SETDB2: variants seen among roughly 807,000 people sequenced by gnomAD.
SETDB2 encodes histone-lysine N-methyltransferase SETDB2.
SETDB2 carries 56 observed loss-of-function variants against 82.5 expected under a neutral mutation model. The observed-to-expected ratio is 0.68, with a 90% CI of 0.55 to 0.85. The LOEUF is 0.85. Ranked by LOEUF, SETDB2 falls within the 40% of genes least tolerant of loss-of-function variation. The pLI, the probability that SETDB2 is intolerant of heterozygous loss-of-function variation, is 0.00. For synonymous variants in SETDB2, 272 were observed against 284.9 expected, an observed-to-expected ratio of 0.95 and a Z score of 0.46; for missense variants, 677 against 816.4, an observed-to-expected ratio of 0.83 and a Z score of 2.08.
At chr13:49,445,595 T>C (rs1957656387) in intron 1 of SETDB2, 1 of 152,194 alleles carries the variant, frequency 6.6e-6, no homozygotes, top group African/African-American at 2.4e-5. Flanking sequence ...CGTTCAGTTT[T>C]CAAATTTTCA....
At chr13:49,486,420 G>A (rs1007728490) in intron 11 of SETDB2, among the ~76,000 whole-genome samples, 3 of 152,188 alleles carry the variant, frequency 2.0e-5, no homozygotes, top group Admixed American at 6.5e-5. Flanking sequence ...CACATGGCCA[G>A]CAAAGCCTGA....
intron 4 of SETDB2, among the ~76,000 whole-genome samples, chr13:49,467,538 T>A (rs984213735): frequency 3.9e-5 from 6 of 152,172 alleles, no homozygotes; most frequent in African/African-American, 1.4e-4. Context: ...CCTTTAAGAA[T>A]TATGTGATTT....
chr13:49,470,752 G>T (rs1958212168), intron 5 of SETDB2, among the ~76,000 whole-genome samples: 1 of 152,148 alleles, frequency 6.6e-6, no homozygotes, highest in South Asian at 2.1e-4. Context: ...GGGAGGCTGA[G>T]GTGTATCACC....
Position 49,480,937 on chromosome 13 carries a change from T to G in SETDB2, c.987-10T>G. ...TGTCTGATTTTCTCTTTTGCATATTTTGTTGACAGCATTTATGAATGCAGC... is the reference window on the plus strand; with the variant it reads ...TGTCTGATTTTCTCTTTTGCATATTGTGTTGACAGCATTTATGAATGCAGC... On this transcript the variant is annotated splice_polypyrimidine_tract_variant and intron_variant, in intron 7 of 13. Coordinates refer to ENST00000611815, the MANE Select transcript of SETDB2 (RefSeq NM_001160308.3). 6.2e-7 allele frequency: 1 copy of G among 1,613,718 alleles called. No individual in the cohort carries two copies. The highest frequency in any genetic ancestry group is 1.1e-5 in the South Asian group (1 of 91,044).
intron 10 of SETDB2, 51 bp downstream of exon 10, chr13:49,483,614 T>A: frequency 1.7e-5 from 1 of 58,876 alleles, no homozygotes; most frequent in South Asian, 1.1e-4. Context: ...TTTAAATTTT[T>A]TTTTTTTTTT....
intron 2 of SETDB2, among the ~76,000 whole-genome samples, chr13:49,453,878 A>ATT (rs1311906466): frequency 1.3e-5 from 2 of 151,792 alleles, no homozygotes; most frequent in Non-Finnish European, 2.9e-5. Flanking sequence ...AAGTATATAT[A>ATT]TATATACTAA....
Position 49,485,673 on chromosome 13 carries a change from G to A in SETDB2, c.1526G>A (p.Gly509Glu). Residue 509 changes from glycine (G) to glutamate (E), a missense_variant, in exon 11 of 14, where the codon GGA becomes GAA. This residue lies in a region of SETDB2 where 420 missense variants were observed against 554.6 expected (regional missense o/e 0.76). Transcript: ENST00000611815. ...TCTGTCACTCCAGAAGATAATGATGGATTTAAACCACCCCGAGAGCATCTG... is the reference window on the plus strand; with the variant it reads ...TCTGTCACTCCAGAAGATAATGATGAATTTAAACCACCCCGAGAGCATCTG... Reference protein sequence around the residue: ...SESVTPEDNDGFKPPREHLNS... With the variant: ...SESVTPEDNDEFKPPREHLNS... 1 of 1,613,910 alleles carries A rather than the reference G, an allele frequency of 6.2e-7. No homozygotes were observed. Among genetic ancestry groups the A allele is most frequent in the Non-Finnish European group, 8.5e-7 (1 of 1,179,960 alleles).
At chr13:49,472,468 G>T (rs1413040602) in intron 5 of SETDB2, among the ~76,000 whole-genome samples, 2 of 152,214 alleles carry the variant, frequency 1.3e-5, no homozygotes, top group African/African-American at 4.8e-5. Flanking sequence ...GGTCCAGACA[G>T]CCGTGGACTT....
At chr13:49,483,608 AATTTTTTTTTTTTT>A in intron 10 of SETDB2, 45 bp downstream of exon 10, 1 of 490,636 alleles carries the variant, frequency 2.0e-6, no homozygotes, top group South Asian at 2.6e-5. Context: ...TTCTTTTTTA[AATTTTTTTTTTTTT>A]TTTTTTTTTT....
At chr13:49,489,596 C>CTTTTTTTTTTTTTTT (rs58715452) in intron 12 of SETDB2, among the ~76,000 whole-genome samples, 1 of 100,564 alleles carries the variant, frequency 9.9e-6, no homozygotes, top group East Asian at 3.2e-4. Context: ...CATATTTATT[C>CTTTTTTTTTTTTTTT]TTTTTTTTTT....
At chr13:49,459,142 C>T (rs560661183) in intron 2 of SETDB2, among the ~76,000 whole-genome samples, 1 of 152,322 alleles carries the variant, frequency 6.6e-6, no homozygotes, top group East Asian at 1.9e-4. Context: ...CCAGAGGCCA[C>T]TATGTTGGCA....
At chr13:49,481,140 A>G in intron 8 of SETDB2, 24 bp downstream of exon 8, 5 of 1,604,664 alleles carry the variant, frequency 3.1e-6, no homozygotes, top group Non-Finnish European at 4.3e-6. Flanking sequence ...TTATTTTCAA[A>G]TTATTCTAGA....
rs533022018 is a variant in SETDB2, at chr13:49,472,061, G to A, written c.305+4101G>A. On this transcript the variant is annotated intron_variant, in intron 5 of 13. Transcript: ENST00000611815. Reference sequence around the variant, plus strand: ...GCTGGGATTACAGGCATGAGCCACCGCACCCAACCATTTTTTTTAATATCT... The same window carrying A: ...GCTGGGATTACAGGCATGAGCCACCACACCCAACCATTTTTTTTAATATCT... Among the ~76,000 whole-genome samples, 7 of 150,626 alleles carry A rather than the reference G, an allele frequency of 4.6e-5. No homozygotes were observed. The South Asian group carries it at 8.4e-4, about 18-fold the overall frequency.
intron 6 of SETDB2, among the ~76,000 whole-genome samples, chr13:49,477,380 G>A (rs1019303056): frequency 3.3e-5 from 5 of 152,094 alleles, no homozygotes; most frequent in Non-Finnish European, 1.5e-5. Flanking sequence ...AGGATGCAGT[G>A]AGCTGTGATC....
At chr13:49,446,396 A>C (rs1223402666) in intron 1 of SETDB2, 2 of 456,128 alleles carry the variant, frequency 4.4e-6, no homozygotes, top group Non-Finnish European at 8.8e-6. Context: ...AGTTTTGTAC[A>C]AGGAATGTTC....
chr13:49,451,144 A>G (rs890171280), intron 1 of SETDB2, among the ~76,000 whole-genome samples: 6 of 151,616 alleles, frequency 4.0e-5, no homozygotes, highest in African/African-American at 1.2e-4. Context: ...TTTTAAAACT[A>G]CATTCTGAAA....
At chr13:49,489,984 A>C (rs1457274913) in intron 12 of SETDB2, among the ~76,000 whole-genome samples, 11 of 133,844 alleles carry the variant, frequency 8.2e-5, no homozygotes, top group Non-Finnish European at 1.5e-4. Flanking sequence ...TCAAATTAAC[A>C]GTATATTGGG....
At chr13:49,445,652 G>A (rs916071121) in intron 1 of SETDB2, 1 of 151,826 alleles carries the variant, frequency 6.6e-6, no homozygotes, top group Non-Finnish European at 1.5e-5. Context: ...CTATGGGCCG[G>A]GCGCGGTGGC....
At chr13:49,473,853 G>T (rs1185448484) in intron 5 of SETDB2, among the ~76,000 whole-genome samples, 2 of 152,126 alleles carry the variant, frequency 1.3e-5, no homozygotes, top group African/African-American at 4.8e-5. Flanking sequence ...CAGAGTTCAG[G>T]TTATACCATA....
Sources: gnomAD v4.1 joint callset for allele counts (sites outside exome capture counted in the v4.1 genomes callset) on GRCh38, gnomAD v4.1.1 for gene constraint, gnomAD v4.1.1 regional missense constraint, MANE v1.5 for transcripts, NCBI Gene and HGNC (gene_info 2026-07-23, HGNC 2026-07-21) for gene names.